LRIT2: variants seen among roughly 807,000 people sequenced by gnomAD.
LRIT2 encodes leucine rich repeat, Ig-like and transmembrane domains 2.
A neutral mutation model predicts 22.4 loss-of-function variants in LRIT2; 23 were observed. The ratio of observed to expected loss-of-function variants is 1.03; its 90% CI spans 0.74 to 1.45. The LOEUF is 1.45. Ranked by LOEUF, LRIT2 falls within the 40% of genes most tolerant of loss-of-function variation. The pLI is 0.00. For synonymous variants in LRIT2, 291 were observed against 267.1 expected (o/e 1.09, Z -0.87); for missense variants, 784 against 665.6 (o/e 1.18, Z -1.96).
In LRIT2 at chr10:84,221,106, G is replaced by A. The variant is rs1045946700; in HGVS notation, c.*814C>T. 2.8e-4 allele frequency: 43 copies of A among 152,324 alleles called. No individual in the cohort carries two copies. The highest frequency in any genetic ancestry group is 9.9e-4 in the African/African-American group (41 of 41,556). 9.4% of individuals were successfully genotyped at this position (152,324 alleles called of 1,614,324 possible). ...TAGACATTGACTAGGGGAAAGCAGC[G>A]GACGTATGGGTGCTCTTCCTTCTGG... On this transcript the variant is annotated 3_prime_UTR_variant, in exon 3 of 3. Transcript: ENST00000372113.
rs769761416 is a variant in LRIT2 at position 84,225,504 on chromosome 10, T to C, written c.17A>G (p.His6Arg). The C allele has an allele frequency of 1.9e-6, 3 of 1,613,744 alleles. No homozygotes were observed. ...AAAGACCAGAACTAACAGGAAGTAA[T>C]GAAAAACTGAAGCCATATTTCTCTG... MASVFHYFLLVLVFLD... is the reference protein window; with the variant it reads MASVFRYFLLVLVFLD... The change falls in exon 1 of 3, where the codon CAT (histidine) becomes CGT (arginine). Residue 6 changes from histidine (H) to arginine (R), a missense_variant. Physicochemically the swap from His to Arg is conservative, Grantham distance 29. Coordinates refer to ENST00000372113, the MANE Select transcript of LRIT2 (RefSeq NM_001017924.5).
At position 84,220,681 on chromosome 10, in the gene LRIT2, C is replaced by T. The variant is rs1842493480; in HGVS notation, c.*1239G>A. ...AGTGGCCACCGTGAGGAAGGTCAGT[C>T]TTTGCCTGCAAATGTCTCACAACCA... On this transcript the variant is annotated 3_prime_UTR_variant, in exon 3 of 3. Transcript: ENST00000372113. 6.6e-6 allele frequency: 1 copy of T among 152,196 alleles called. No homozygotes were observed. Among genetic ancestry groups the T allele is most frequent in the African/African-American group, 2.4e-5 (1 of 41,446 alleles). 9.4% of individuals were successfully genotyped at this position (152,196 alleles called of 1,614,324 possible). A position where few individuals can be genotyped will look rare whatever the true frequency, so the allele number is the denominator to read the frequency against.
In LRIT2 at chr10:84,222,458, T is replaced by A. The variant is rs745994759; in HGVS notation, c.1115A>T (p.Lys372Met). ...CAGCAAAATCCCATGCACTGTCTGC[T>A]TGACAACCCGCAGGTCAATGTAGGC... ...GNAYIDLRVV[K>M]QTVHGILLEW... Residue 372 changes from lysine (K) to methionine (M), a missense_variant, in exon 3 of 3, where the codon AAG becomes ATG. Lys to Met is a moderately conservative substitution (Grantham distance 95, BLOSUM62 -1). Coordinates refer to ENST00000372113, the MANE Select transcript of LRIT2 (RefSeq NM_001017924.5). 6.2e-6 allele frequency: 10 copies of A among 1,613,942 alleles called. No homozygotes were observed. Among genetic ancestry groups the A allele is most frequent in the African/African-American group, 1.3e-5 (1 of 74,890 alleles).
rs770066442 is a variant in LRIT2 at position 84,222,265 on chromosome 10, C to T, written c.1308G>A (p.Glu436=). ...GTKYEACLSL[E]GQPPHQGQCV... is the part of the protein sequence containing the mutation. ...ACTGGCCCTGGTGTGGAGGCTGGCC[C>T]TCTAGGCTGAGGCAGGCCTCATATT... Residue 436 remains glutamate (E), a synonymous_variant, in exon 3 of 3, where the codon GAG becomes GAA. Coordinates refer to ENST00000372113, the MANE Select transcript of LRIT2 (RefSeq NM_001017924.5). 46 of 1,614,110 alleles carry T rather than the reference C, an allele frequency of 2.8e-5. No individual in the cohort carries two copies. In the African/African-American group the frequency reaches 4.9e-4, roughly 17 times the overall value.
At position 84,225,410 on chromosome 10, in the gene LRIT2, C is replaced by T. The variant is rs760734949; in HGVS notation, c.110+1G>A. ...TCTAACATCTGGCCAGCAGAGCGCA[C>T]CTGCCAAAACTCTCCTCTGAGCAAG... On this transcript the variant is annotated splice_donor_variant, in intron 1 of 2. Coordinates refer to ENST00000372113, the MANE Select transcript of LRIT2 (RefSeq NM_001017924.5). LOFTEE classifies it high-confidence loss of function. 5.0e-6 allele frequency: 8 copies of T among 1,613,786 alleles called. No homozygotes were observed. Among genetic ancestry groups the T allele is most frequent in the South Asian group, 2.2e-5 (2 of 91,008 alleles).
At chr10:84,224,253 T>C in intron 2 of LRIT2, 80 bp downstream of exon 2, 1 of 1,440,078 alleles carries the variant, frequency 6.9e-7, no homozygotes, top group Non-Finnish European at 9.3e-7. Flanking sequence ...GACCCAGCTT[T>C]GAATCTCTCT....
chr10:84,222,142 C>A lies in LRIT2; in HGVS notation c.1431G>T (p.Val477=). 1 of 1,610,826 alleles carries A rather than the reference C, an allele frequency of 6.2e-7. No individual in the cohort carries two copies. The highest frequency in any genetic ancestry group is 8.5e-7 in the Non-Finnish European group (1 of 1,177,530). The stretch of plus-strand genomic sequence containing the variant: ...CTGCCCAGGCATAGGCGCCCACAGG[C>A]ACTGCAAGCAGCACCACACACAGGA... ...TVVLCVVLLA[V]PVGAYAWAAQ... The change falls in exon 3 of 3, where the codon GTG becomes GTT. Residue 477 remains valine, a synonymous_variant. Coordinates refer to ENST00000372113, the MANE Select transcript of LRIT2 (RefSeq NM_001017924.5).
Position 84,224,972 on chromosome 10 carries a change from A to G in LRIT2, c.253T>C (p.Trp85Arg), listed in dbSNP as rs1842550042. 1 of 1,614,064 alleles carries G rather than the reference A, an allele frequency of 6.2e-7. No homozygotes were observed. The highest frequency in any genetic ancestry group is 1.1e-5 in the South Asian group (1 of 91,076). ...FINMSTLEYL[W>R]LNFNNISVIH... ...ACACTGATATTGTTAAAATTGAGCC[A>G]GAGGTATTCCAAGGTGCTCATGTTG... is the stretch of plus-strand genomic sequence containing the variant. Residue 85 changes from tryptophan to arginine, a missense_variant, in exon 2 of 3, where the codon TGG becomes CGG. Transcript: ENST00000372113.
rs1156397783 is a variant in LRIT2 at position 84,221,131 on chromosome 10, G to T, written c.*789C>A. 6.6e-6 allele frequency: 1 copy of T among 152,204 alleles called. No individual in the cohort carries two copies. Among genetic ancestry groups the T allele is most frequent in the African/African-American group, 2.4e-5 (1 of 41,440 alleles). The allele number at this position is 152,204 out of a possible 1,614,324, so 9.4% of individuals were successfully genotyped here. A position where few individuals can be genotyped will look rare whatever the true frequency, so the allele number is the denominator to read the frequency against. On this transcript the variant is annotated 3_prime_UTR_variant, in exon 3 of 3. Transcript: ENST00000372113. ...GGACGTATGGGTGCTCTTCCTTCTG[G>T]GTATGGCCCTGCAGAGTCTGCTCTC...
Position 84,225,068 on chromosome 10 carries a change from G to T in LRIT2, c.157C>A (p.Leu53Ile), listed in dbSNP as rs750711099. ...CTCACTTGCTTGAACTCTTCAGAAA[G>T]GTTCCCAGGGATCTTTCCCAAGGAG... ...SVSLGKIPGN[L>I]SEEFKQVRIE... Residue 53 changes from leucine to isoleucine, a missense_variant, in exon 2 of 3, where the codon CTT (leucine) becomes ATT (isoleucine). Coordinates refer to ENST00000372113, the MANE Select transcript of LRIT2 (RefSeq NM_001017924.5). The T allele has an allele frequency of 6.2e-6, 10 of 1,613,888 alleles. No homozygotes were observed. The Admixed American group carries it at 1.2e-4, about 19-fold the overall frequency.
Position 84,222,273 on chromosome 10 carries a change from TG to T in LRIT2, c.1299del (p.Ser434AlafsTer2). On this transcript the variant is annotated frameshift_variant, in exon 3 of 3. Transcript: ENST00000372113. LOFTEE classifies it low-confidence loss of function (END_TRUNC). ...TGGTGTGGAGGCTGGCCCTCTAGGC[TG>T]AGGCAGGCCTCATATTTTGTGCCAG... ...LLPGTKYEAC[L>X]SLEGQPPHQG... The T allele has an allele frequency of 1.2e-6, 2 of 1,614,248 alleles. No homozygotes were observed. Among genetic ancestry groups the T allele is most frequent in the Non-Finnish European group, 1.7e-6 (2 of 1,180,044 alleles).
rs752102061 is a variant in LRIT2, at chr10:84,222,190, C to T, written c.1383G>A (p.Glu461=). 3.8e-5 allele frequency: 61 copies of T among 1,614,084 alleles called. No homozygotes were observed. Among genetic ancestry groups the T allele is most frequent in the Non-Finnish European group, 5.0e-5 (59 of 1,180,056 alleles). The change falls in exon 3 of 3, where the codon GAG becomes GAA. Residue 461 remains glutamate (E), a synonymous_variant. Transcript: ENST00000372113. ...GRDAGGLEAR[E]HLLHVTVVLC... ...GGACCACTGTGACATGCAGGAGGTG[C>T]TCACGTGCCTCTAGCCCACCAGCAT... is the stretch of plus-strand genomic sequence containing the variant.
chr10:84,221,953 G>C lies in LRIT2; in HGVS notation c.1620C>G (p.Asp540Glu). Residue 540 changes from aspartate to glutamate, a missense_variant, in exon 3 of 3, where the codon GAC becomes GAG. Asp to Glu is a conservative substitution (Grantham distance 45). Transcript: ENST00000372113. ...DGEGHIDTEGDKEKGGTEDNS is the reference protein window; with the variant it reads ...DGEGHIDTEGEKEKGGTEDNS ...TGTCTTCCGTTCCTCCTTTCTCCTT[G>C]TCCCCCTCAGTGTCTATGTGCCCTT... 1 of 1,537,220 alleles carries C rather than the reference G, an allele frequency of 6.5e-7. No homozygotes were observed. Among genetic ancestry groups the C allele is most frequent in the Non-Finnish European group, 8.8e-7 (1 of 1,140,708 alleles).
Position 84,224,804 on chromosome 10 carries a change from CATCA to C in LRIT2, c.417_420del (p.Ile139MetfsTer14), listed in dbSNP as rs1564672549. The C allele has an allele frequency of 6.2e-7, 1 of 1,614,052 alleles. No homozygotes were observed. Among genetic ancestry groups the C allele is most frequent in the Admixed American group, 1.7e-5 (1 of 60,020 alleles). ...AATTGAAGAGCCAGCTCAGGGAGTG[CATCA>C]ATCTTGTTGCGTTTGAGATCCAAGA... is the stretch of plus-strand genomic sequence containing the variant. On this transcript the variant is annotated frameshift_variant, in exon 2 of 3. Transcript: ENST00000372113. LOFTEE classifies it high-confidence loss of function.
chr10:84,222,185 A>T lies in LRIT2; in HGVS notation c.1388T>A (p.Leu463His). 8 of 1,614,202 alleles carry T rather than the reference A, an allele frequency of 5.0e-6. No individual in the cohort carries two copies. Among genetic ancestry groups the T allele is most frequent in the Non-Finnish European group, 6.8e-6 (8 of 1,180,042 alleles). The change falls in exon 3 of 3, where the codon CTC becomes CAC. Residue 463 changes from leucine (L) to histidine (H), a missense_variant. Leu to His is a moderately conservative substitution (Grantham distance 99). Transcript: ENST00000372113. Reference protein sequence around the residue: ...DAGGLEAREHLLHVTVVLCVV... With the variant: ...DAGGLEAREHHLHVTVVLCVV... ...ACACAGGACCACTGTGACATGCAGG[A>T]GGTGCTCACGTGCCTCTAGCCCACC...
intron 2 of LRIT2, among the ~76,000 whole-genome samples, chr10:84,223,026 C>T (rs1003736529): frequency 1.3e-5 from 2 of 152,200 alleles, no homozygotes. Flanking sequence ...CACCAAACCA[C>T]CTTCGCCTTG....
Position 84,225,068 on chromosome 10 carries a change from G to C in LRIT2, c.157C>G (p.Leu53Val). Residue 53 changes from leucine (L) to valine (V), a missense_variant, in exon 2 of 3, where the codon CTT (leucine) becomes GTT (valine). Leu to Val is a conservative substitution (Grantham distance 32, BLOSUM62 1). Coordinates refer to ENST00000372113, the MANE Select transcript of LRIT2 (RefSeq NM_001017924.5). ...SVSLGKIPGN[L>V]SEEFKQVRIE... is the part of the protein sequence containing the mutation. ...CTCACTTGCTTGAACTCTTCAGAAA[G>C]GTTCCCAGGGATCTTTCCCAAGGAG... The C allele has an allele frequency of 1.2e-6, 2 of 1,614,006 alleles. No homozygotes were observed. Among genetic ancestry groups the C allele is most frequent in the East Asian group, 2.2e-5 (1 of 44,874 alleles).
chr10:84,225,253 G>C, intron 1 of LRIT2, 139 bp from the exon 2 acceptor site: 1 of 1,207,526 alleles, frequency 8.3e-7, no homozygotes, highest in Middle Eastern at 2.3e-4. Flanking sequence ...ACTCATTTTG[G>C]TAAAAATGCA....
intron 2 of LRIT2, among the ~76,000 whole-genome samples, chr10:84,223,824 G>A (rs1178169172): frequency 6.6e-6 from 1 of 152,114 alleles, no homozygotes; most frequent in East Asian, 1.9e-4. Flanking sequence ...CCTTTCCCTG[G>A]GTCCCAGTAT....
Sources: allele counts gnomAD v4.1 joint callset (sites outside exome capture counted in the v4.1 genomes callset), GRCh38; gene constraint gnomAD v4.1.1; transcripts MANE v1.5; gene names NCBI Gene and HGNC (gene_info 2026-07-23, HGNC 2026-07-21).